The following TTC19 variants were observed in gnomAD, a reference collection of about 807,000 sequenced individuals.
TTC19 encodes tetratricopeptide repeat protein 19, mitochondrial.
Under a neutral mutation model 49.5 loss-of-function variants are expected in TTC19, and 38 were observed. The observed-to-expected ratio is 0.77, with a 90% CI of 0.59 to 1.01. TTC19 has a LOEUF of 1.01. Ranked by LOEUF, TTC19 falls within the 50% of genes least tolerant of loss-of-function variation. The pLI, the probability that TTC19 is intolerant of heterozygous loss-of-function variation, is 0.00. For missense variants in TTC19, 475 were observed against 477.7 expected (o/e 0.99, Z 0.05); for synonymous variants, 204 against 185.2 (o/e 1.10, Z -0.83).
At position 16,028,265 on chromosome 17, in the gene TTC19, C is replaced by G. The variant is rs1438344059; in HGVS notation, c.*743C>G. 2.2e-6 allele frequency: 1 copy of G among 454,102 alleles called. No individual in the cohort carries two copies. Among genetic ancestry groups the G allele is most frequent in the South Asian group, 1.6e-5 (1 of 64,474 alleles). 28.1% of individuals were successfully genotyped at this position (454,102 alleles called of 1,614,324 possible). A position where few individuals can be genotyped will look rare whatever the true frequency, so the allele number is the denominator to read the frequency against. ...TACTTCCTTTGCAGCCTTAGTCACA[C>G]AACTGAGTCATCTCAAGTACTCTTT... On this transcript the variant is annotated 3_prime_UTR_variant, in exon 10 of 10. Transcript: ENST00000261647.
chr17:16,021,669 C>G (rs1173691510), intron 7 of TTC19, among the ~76,000 whole-genome samples: 2 of 152,114 alleles, frequency 1.3e-5, no homozygotes, highest in Non-Finnish European at 2.9e-5. Flanking sequence ...ATTACAGGTA[C>G]AAGACTCTGA....
intron 7 of TTC19, among the ~76,000 whole-genome samples, chr17:16,014,433 C>T (rs1182614504): frequency 6.6e-6 from 1 of 152,196 alleles, no homozygotes; most frequent in Non-Finnish European, 1.5e-5. Context: ...TCTATAGCTC[C>T]TGCTTATAGT....
chr17:16,002,080 G>A (rs919947922), intron 3 of TTC19, 55 bp downstream of exon 3: 4 of 1,173,120 alleles, frequency 3.4e-6, no homozygotes, highest in Non-Finnish European at 5.1e-6. Context: ...TGGGAGGGAA[G>A]GGTAGTTAGT....
chr17:16,002,766 GA>G, intron 3 of TTC19, 26 bp from the exon 4 acceptor site: 1 of 1,612,490 alleles, frequency 6.2e-7, no homozygotes, highest in Non-Finnish European at 8.5e-7. Context: ...ATTCTAAACT[GA>G]AAAACAATTT....
At chr17:16,027,006 GT>G (rs1971582802) in intron 9 of TTC19, 1 of 521,178 alleles carries the variant, frequency 1.9e-6, no homozygotes, top group Non-Finnish European at 3.5e-6. Context: ...GTTACAATGT[GT>G]TTCTCACAGT....
At chr17:16,001,006 T>G (rs972041266) in intron 2 of TTC19, among the ~76,000 whole-genome samples, 2 of 152,168 alleles carry the variant, frequency 1.3e-5, no homozygotes, top group Non-Finnish European at 2.9e-5. Context: ...TGCAAAATAT[T>G]TCTCAAATCT....
At position 16,028,304 on chromosome 17, in the gene TTC19, C is replaced by T; in HGVS notation, c.*782C>T. 3 of 454,054 alleles carry T rather than the reference C, an allele frequency of 6.6e-6. No individual in the cohort carries two copies. 28.1% of individuals were successfully genotyped at this position (454,054 alleles called of 1,614,324 possible). ...CAAGTACTCTTTAAGGACACACAGCCCAGGCTGTTCTGAGTCAGAATAGGC... is the reference window on the plus strand; with the variant it reads ...CAAGTACTCTTTAAGGACACACAGCTCAGGCTGTTCTGAGTCAGAATAGGC... On this transcript the variant is annotated 3_prime_UTR_variant, in exon 10 of 10. Transcript: ENST00000261647.
rs35933664 is a variant in TTC19 at position 16,017,470 on chromosome 17, A to G, written c.677-7547A>G. On this transcript the variant is annotated intron_variant, in intron 7 of 9. Transcript: ENST00000261647. ...GCTCAAAAAAAAAAAAAAAAAAAAA[A>G]GTATTCAGGCTGGGTGCAGTGGCTC... Among the ~76,000 whole-genome samples the G allele has an allele frequency of 7.5e-3, 1,080 of 143,390 alleles. 3 individuals are homozygous for G. Among genetic ancestry groups the G allele is most frequent in the Non-Finnish European group, 0.012 (800 of 66,906 alleles). The allele number at this position is 143,390 out of a possible 152,430, so 94.1% of individuals were successfully genotyped here. A position where few individuals can be genotyped will look rare whatever the true frequency, so the allele number is the denominator to read the frequency against.
Position 16,027,455 on chromosome 17 carries a change from A to G in TTC19, c.1076A>G (p.His359Arg). ...AAAAAAGATGAAATTTCTGTACAAC[A>G]CATCAGGGAAGAGTTGGCTGAGCTG... Reference protein sequence around the residue: ...KLKKDEISVQHIREELAELSK... With the variant: ...KLKKDEISVQRIREELAELSK... The change falls in exon 10 of 10, where the codon CAC becomes CGC. Residue 359 changes from histidine to arginine, a missense_variant. Physicochemically the swap from His to Arg is conservative, Grantham distance 29. Coordinates refer to ENST00000261647, the MANE Select transcript of TTC19 (RefSeq NM_017775.4). 1 of 1,614,138 alleles carries G rather than the reference A, an allele frequency of 6.2e-7. No individual in the cohort carries two copies. The highest frequency in any genetic ancestry group is 8.5e-7 in the Non-Finnish European group (1 of 1,179,962).
In TTC19 at chr17:16,001,969, C is replaced by T. The variant is rs11554353; in HGVS notation, c.367C>T (p.Leu123Phe). The change falls in exon 3 of 10, where the codon CTT (leucine) becomes TTT (phenylalanine). Residue 123 changes from leucine to phenylalanine, a missense_variant. Coordinates refer to ENST00000261647, the MANE Select transcript of TTC19 (RefSeq NM_017775.4). ...EEAELILHDALRLAYQTDNKK... is the reference protein window; with the variant it reads ...EEAELILHDAFRLAYQTDNKK... The stretch of plus-strand genomic sequence containing the variant: ...GGCTGAGTTAATTTTGCATGACGCT[C>T]TTCGTCTCGCCTATCAGACTGATAA... The T allele has an allele frequency of 1.9e-5, 31 of 1,613,322 alleles. No individual in the cohort carries two copies. Among genetic ancestry groups the T allele is most frequent in the Non-Finnish European group, 2.3e-5 (27 of 1,180,012 alleles).
At chr17:16,000,493 C>CGCTTTAT in intron 2 of TTC19, 2 of 1,096,770 alleles carry the variant, frequency 1.8e-6, no homozygotes, top group Non-Finnish European at 2.4e-6. Flanking sequence ...CTAGGCATCA[C>CGCTTTAT]GCTTTATGCA....
At chr17:16,034,907 G>C (rs776769842) in intron 2 of TTC19, 3 of 1,614,098 alleles carry the variant, frequency 1.9e-6, no homozygotes, top group African/African-American at 2.7e-5. Flanking sequence ...ATTTCCTGCT[G>C]TTTGACTTGC....
At position 16,041,794 on chromosome 17, in the gene TTC19, C is replaced by T. The variant is rs369701913; in HGVS notation, c.248-2709C>T. Among the ~76,000 whole-genome samples the T allele has an allele frequency of 4.9e-3, 739 of 150,844 alleles. 7 individuals carry two copies. Among genetic ancestry groups the T allele is most frequent in the African/African-American group, 0.014 (588 of 41,028 alleles). ...CTCTGCCGCCCAGGCTGGAGTGCAGCGGTGCGATCTTGGCTCACTGCAAGC... is the reference window on the plus strand; with the variant it reads ...CTCTGCCGCCCAGGCTGGAGTGCAGTGGTGCGATCTTGGCTCACTGCAAGC... On this transcript the variant is annotated intron_variant, in intron 2 of 2. Transcript: ENST00000470649.
At chr17:16,023,373 CTT>C (rs1971442828) in intron 7 of TTC19, 1 of 152,162 alleles carries the variant, frequency 6.6e-6, no homozygotes, top group Non-Finnish European at 1.5e-5. Context: ...TACTGAACAT[CTT>C]TTTAAATCGT....
At position 16,028,430 on chromosome 17, in the gene TTC19, A is replaced by G. The variant is rs934905097; in HGVS notation, c.*908A>G. 8.8e-6 allele frequency: 4 copies of G among 453,944 alleles called. No homozygotes were observed. The highest frequency in any genetic ancestry group is 1.3e-5 in the Non-Finnish European group (3 of 226,774). The allele number at this position is 453,944 out of a possible 1,614,324, so 28.1% of individuals were successfully genotyped here. Reference sequence around the variant, plus strand: ...TTAGTCCTAGCCTTTTTGCTTTTGCAATTTCAGTATCTTCATCTCTAAACT... The same window carrying G: ...TTAGTCCTAGCCTTTTTGCTTTTGCGATTTCAGTATCTTCATCTCTAAACT... On this transcript the variant is annotated 3_prime_UTR_variant, in exon 10 of 10. Transcript: ENST00000261647.
At chr17:16,006,176 G>A (rs954345902) in intron 6 of TTC19, among the ~76,000 whole-genome samples, 3 of 152,204 alleles carry the variant, frequency 2.0e-5, no homozygotes, top group East Asian at 1.9e-4. Context: ...TTGGGAGGCC[G>A]AGGTGGGTGG....
In TTC19 at chr17:16,029,018, A is replaced by G. The variant is rs776834358; in HGVS notation, c.*1496A>G. On this transcript the variant is annotated 3_prime_UTR_variant, in exon 10 of 10. Transcript: ENST00000261647. ...TTACCAAGTCTAGCTCAGAGAGATA[A>G]GATACAATATAAATCAGACTGTTTC... The G allele has an allele frequency of 2.2e-6, 1 of 444,864 alleles. No homozygotes were observed. Among genetic ancestry groups the G allele is most frequent in the East Asian group, 7.0e-5 (1 of 14,326 alleles). The allele number at this position is 444,864 out of a possible 1,614,324, so 27.6% of individuals were successfully genotyped here.
At chr17:16,042,117 T>A (rs753787299) in intron 2 of TTC19, among the ~76,000 whole-genome samples, 1 of 151,258 alleles carries the variant, frequency 6.6e-6, no homozygotes, top group African/African-American at 2.4e-5. Context: ...AGAGTGCATG[T>A]GCCTAGAAAC....
Position 16,000,044 on chromosome 17 carries a change from G to A in TTC19, c.184+12G>A. 7.9e-7 allele frequency: 1 copy of A among 1,261,856 alleles called. No individual in the cohort carries two copies. The highest frequency in any genetic ancestry group is 9.9e-7 in the Non-Finnish European group (1 of 1,006,190). 78.2% of individuals were successfully genotyped at this position (1,261,856 alleles called of 1,614,324 possible). On this transcript the variant is annotated intron_variant, in intron 1 of 9. Coordinates refer to ENST00000261647, the MANE Select transcript of TTC19 (RefSeq NM_017775.4). ...GCCGCTGCTGGCAGGTGAGGGGCGCGGGCCGGGCGGGGCCGGCCGGGCGGG... is the reference window on the plus strand; with the variant it reads ...GCCGCTGCTGGCAGGTGAGGGGCGCAGGCCGGGCGGGGCCGGCCGGGCGGG...
Sources: gnomAD v4.1 joint callset for allele counts (sites outside exome capture counted in the v4.1 genomes callset) on GRCh38, gnomAD v4.1.1 for gene constraint, MANE v1.5 for transcripts, NCBI Gene and HGNC (gene_info 2026-07-23, HGNC 2026-07-21) for gene names.